MAPKAPK5: variants seen among roughly 807,000 people sequenced by gnomAD.
The protein encoded by MAPKAPK5 is MAPK activated protein kinase 5.
In MAPKAPK5, 30 loss-of-function variants were observed where a neutral mutation model predicts 65.1. The ratio of observed to expected loss-of-function variants is 0.46; its 90% CI spans 0.34 to 0.63. The LOEUF is 0.63. Among genes scored for constraint, MAPKAPK5 ranks in the 20% least tolerant of loss-of-function variants. The pLI is 0.01. For synonymous variants in MAPKAPK5, 179 were observed against 204.6 expected (o/e 0.87, Z 1.07); for missense variants, 433 against 581.4 (o/e 0.74, Z 2.63).
At chr12:111,892,788 G>A (rs1419344069) in intron 13 of MAPKAPK5, among the ~76,000 whole-genome samples, 179 bp from the exon 14 acceptor site, 1 of 152,168 alleles carries the variant, frequency 6.6e-6, no homozygotes, top group Non-Finnish European at 1.5e-5. Context: ...TAGTGGAACT[G>A]TACAATTGCT....
At chr12:111,860,878 A>G (rs2069415600) in intron 1 of MAPKAPK5, among the ~76,000 whole-genome samples, 1 of 151,634 alleles carries the variant, frequency 6.6e-6, no homozygotes, top group African/African-American at 2.4e-5. Context: ...CAGCACAGGC[A>G]TGGAAATTCT....
At chr12:111,870,419 GGT>G in intron 6 of MAPKAPK5, 59 bp downstream of exon 6, 1 of 1,413,698 alleles carries the variant, frequency 7.1e-7, no homozygotes. Flanking sequence ...TTCAGGAGTG[GGT>G]GTGTTTGGAG....
At chr12:111,871,019 C>G in intron 6 of MAPKAPK5, 66 bp from the exon 7 acceptor site, 1 of 1,218,310 alleles carries the variant, frequency 8.2e-7, no homozygotes, top group Non-Finnish European at 1.2e-6. Context: ...ATGTCTTACA[C>G]CTGGATTTTC....
intron 1 of MAPKAPK5, among the ~76,000 whole-genome samples, chr12:111,844,389 C>T (rs889101682): frequency 6.6e-6 from 1 of 151,890 alleles, no homozygotes; most frequent in South Asian, 2.1e-4. Context: ...GGTGGGGTTT[C>T]ACTGTGTTAG....
intron 10 of MAPKAPK5, 105 bp downstream of exon 10, chr12:111,886,141 A>ATCCT: frequency 2.7e-6 from 4 of 1,478,758 alleles, no homozygotes; most frequent in Non-Finnish European, 3.7e-6. Context: ...AGAGTACACG[A>ATCCT]TCCTTCCCAG....
chr12:111,868,495 T>A (rs775450879), intron 4 of MAPKAPK5, among the ~76,000 whole-genome samples: 5 of 152,232 alleles, frequency 3.3e-5, no homozygotes, highest in African/African-American at 4.8e-5. Flanking sequence ...TTTTCACAAC[T>A]GTGCTCTGTT....
chr12:111,880,334 A>ATGGCT, intron 7 of MAPKAPK5, 113 bp from the exon 8 acceptor site: 1 of 844,926 alleles, frequency 1.2e-6, no homozygotes, highest in Non-Finnish European at 2.0e-6. Flanking sequence ...TTTTTTTTCG[A>ATGGCT]TGGCTGATTG....
chr12:111,853,802 T>C (rs1379938502), intron 1 of MAPKAPK5, among the ~76,000 whole-genome samples: 3 of 152,224 alleles, frequency 2.0e-5, no homozygotes, highest in African/African-American at 7.2e-5. Context: ...CCCAAAGTGC[T>C]GGGATTACAG....
At chr12:111,880,347 A>G in intron 7 of MAPKAPK5, 100 bp from the exon 8 acceptor site, 1 of 943,910 alleles carries the variant, frequency 1.1e-6, no homozygotes, top group Non-Finnish European at 1.7e-6. Context: ...GCTGATTGCC[A>G]GTTGTTTACC....
intron 1 of MAPKAPK5, among the ~76,000 whole-genome samples, chr12:111,854,312 G>A (rs1416444490): frequency 1.3e-5 from 2 of 151,170 alleles, no homozygotes; most frequent in Non-Finnish European, 2.9e-5. Flanking sequence ...CATGATCTCA[G>A]CTCACTGCAA....
At chr12:111,880,404 G>A in intron 7 of MAPKAPK5, 43 bp from the exon 8 acceptor site, 2 of 1,506,082 alleles carry the variant, frequency 1.3e-6, no homozygotes, top group Non-Finnish European at 1.8e-6. Flanking sequence ...TATCGGTGGT[G>A]TGATTTTCAT....
intron 1 of MAPKAPK5, among the ~76,000 whole-genome samples, chr12:111,858,852 T>A (rs2069334868): frequency 6.7e-6 from 1 of 148,158 alleles, no homozygotes; most frequent in Non-Finnish European, 1.5e-5. Context: ...GTTGAGCACC[T>A]CTGATCAGTT....
Position 111,893,126 on chromosome 12 carries a change from T to G in MAPKAPK5, c.*65T>G. The G allele has an allele frequency of 1.8e-6, 2 of 1,127,860 alleles. No homozygotes were observed. The highest frequency in any genetic ancestry group is 1.5e-5 in the South Asian group (1 of 65,356). 69.9% of individuals were successfully genotyped at this position (1,127,860 alleles called of 1,614,324 possible). On this transcript the variant is annotated 3_prime_UTR_variant, in exon 14 of 14. Coordinates refer to ENST00000550735, the MANE Select transcript of MAPKAPK5 (RefSeq NM_003668.4). ...TTATTCTTTAATGTATAAAGTAATT[T>G]TATGTAAATTAATAAATCATAATTT...
chr12:111,874,752 T>C (rs2069903051), intron 7 of MAPKAPK5, among the ~76,000 whole-genome samples: 1 of 147,508 alleles, frequency 6.8e-6, no homozygotes, highest in Non-Finnish European at 1.5e-5. Context: ...TGTGAGCCAC[T>C]GCCCCCAGCC....
At chr12:111,851,240 A>G (rs2069073657) in intron 1 of MAPKAPK5, among the ~76,000 whole-genome samples, 1 of 151,928 alleles carries the variant, frequency 6.6e-6, no homozygotes, top group Non-Finnish European at 1.5e-5. Flanking sequence ...GCCCCTGGCC[A>G]CTGAGAATCC....
chr12:111,866,120 T>C (rs762474752), intron 2 of MAPKAPK5, 36 bp from the exon 3 acceptor site: 128 of 1,466,038 alleles, frequency 8.7e-5, no homozygotes, highest in Non-Finnish European at 1.2e-4. Flanking sequence ...TTCTAACATA[T>C]ATGATCTCTG....
Position 111,900,225 on chromosome 12 carries a change from C to T in MAPKAPK5, c.*7164C>T. The T allele has an allele frequency of 4.4e-6, 2 of 455,938 alleles. No homozygotes were observed. The highest frequency in any genetic ancestry group is 8.8e-6 in the Non-Finnish European group (2 of 226,790). 28.2% of individuals were successfully genotyped at this position (455,938 alleles called of 1,614,324 possible). A position where few individuals can be genotyped will look rare whatever the true frequency, so the allele number is the denominator to read the frequency against. ...CCATCGTGCAAAACACGATGTTGCC[C>T]ACATGATCGTTGGGCATCACCCTGG... On this transcript the variant is annotated 3_prime_UTR_variant, in exon 14 of 14. Coordinates refer to ENST00000550735, the MANE Select transcript of MAPKAPK5 (RefSeq NM_003668.4).
At position 111,888,866 on chromosome 12, in the gene MAPKAPK5, C is replaced by A; in HGVS notation, c.1101-19C>A. The A allele has an allele frequency of 6.2e-7, 1 of 1,611,886 alleles. No homozygotes were observed. Among genetic ancestry groups the A allele is most frequent in the Non-Finnish European group, 8.5e-7 (1 of 1,178,468 alleles). On this transcript the variant is annotated intron_variant, in intron 11 of 13. Coordinates refer to ENST00000550735, the MANE Select transcript of MAPKAPK5 (RefSeq NM_003668.4). ...TTGGGGTCTCACGTTGTCATTACCC[C>A]TCCCTCAAACTCTTAAAGCACCAAG...
At chr12:111,886,380 G>A (rs539200583) in intron 10 of MAPKAPK5, among the ~76,000 whole-genome samples, 40 of 152,316 alleles carry the variant, frequency 2.6e-4, no homozygotes, top group South Asian at 6.2e-4. Flanking sequence ...ATGAAACAAA[G>A]AGGGAACATT....
Sources: allele counts gnomAD v4.1 joint callset (sites outside exome capture counted in the v4.1 genomes callset), GRCh38; gene constraint gnomAD v4.1.1; transcripts MANE v1.5; gene names NCBI Gene and HGNC (gene_info 2026-07-23, HGNC 2026-07-21).